The following PPP2R3C variants were observed in gnomAD, a reference collection of about 807,000 sequenced individuals.
The protein encoded by PPP2R3C is protein phosphatase 2 regulatory subunit B''gamma.
Under a neutral mutation model 63.7 loss-of-function variants are expected in PPP2R3C, and 47 were observed. That is an observed-to-expected ratio of 0.74 (90% CI 0.58 to 0.94). The LOEUF (loss-of-function observed/expected upper bound fraction) is 0.94, where lower values mean the gene tolerates loss of function less well. PPP2R3C is among the 40% of genes least tolerant of loss of function. PPP2R3C has a pLI of 0.00. For synonymous variants in PPP2R3C, 180 were observed against 177.4 expected, an observed-to-expected ratio of 1.01 and a Z score of -0.12; for missense variants, 421 against 518.4, an observed-to-expected ratio of 0.81 and a Z score of 1.82.
At chr14:35,107,960 A>C in intron 5 of PPP2R3C, 179 bp downstream of exon 5, 1 of 768,282 alleles carries the variant, frequency 1.3e-6, no homozygotes, top group Non-Finnish European at 1.9e-6. Context: ...TGAGGGTTTA[A>C]AAAATTTTTG....
At chr14:35,117,447 T>C (rs536821578) in intron 1 of PPP2R3C, among the ~76,000 whole-genome samples, 1 of 152,210 alleles carries the variant, frequency 6.6e-6, no homozygotes, top group Non-Finnish European at 1.5e-5. Flanking sequence ...TTTGGTTCTA[T>C]GACAAGATCA....
intron 6 of PPP2R3C, chr14:35,100,317 C>CT (rs2046145070): frequency 6.6e-6 from 1 of 152,044 alleles, no homozygotes; most frequent in Non-Finnish European, 1.5e-5. Flanking sequence ...ATATAGAATA[C>CT]AATTTCTATA....
upstream of PPP2R3C, chr14:35,122,176 G>T: frequency 1.8e-6 from 1 of 566,838 alleles, no homozygotes. Context: ...AAAAAACTAT[G>T]AAAGAGATGG....
chr14:35,107,902 T>C (rs1397778848), intron 5 of PPP2R3C: 2 of 449,322 alleles, frequency 4.5e-6, no homozygotes, highest in Non-Finnish European at 7.7e-6. Flanking sequence ...ATTAAAACTC[T>C]TGGTTCAGCT....
Position 35,111,331 on chromosome 14 carries a change from C to T in PPP2R3C, c.187-702G>A, listed in dbSNP as rs141869893. 4.2e-3 allele frequency among the ~76,000 whole-genome samples: 630 copies of T among 150,264 alleles called. 22 individuals are homozygous for T. The highest frequency in any genetic ancestry group is 0.036 in the Admixed American group (551 of 15,114). On this transcript the variant is annotated intron_variant, in intron 2 of 12. Transcript: ENST00000261475. ...CAAAACCACCTTTGCAAAATTATAA[C>T]AGTGACAAAATGATGACAGTGAAAG...
intron 2 of PPP2R3C, among the ~76,000 whole-genome samples, chr14:35,112,541 T>C (rs72664817): frequency 0.035 from 5,336 of 152,204 alleles, 109 homozygotes; most frequent in South Asian, 0.066. Context: ...ATCCCTCCCA[T>C]CAGAAGGAAC....
chr14:35,088,033 T>C (rs772698675), intron 11 of PPP2R3C, 23 bp from the exon 12 acceptor site: 1 of 1,532,498 alleles, frequency 6.5e-7, no homozygotes, highest in Admixed American at 1.7e-5. Flanking sequence ...GAAATAAATC[T>C]GTAAATAAAA....
intron 4 of PPP2R3C, among the ~76,000 whole-genome samples, chr14:35,108,530 C>T (rs190820967): frequency 2.6e-5 from 4 of 151,308 alleles, no homozygotes; most frequent in Admixed American, 6.6e-5. Flanking sequence ...GGTGAAACCC[C>T]GTCTCTAGTA....
At chr14:35,111,345 T>A (rs1471834595) in intron 2 of PPP2R3C, among the ~76,000 whole-genome samples, 1 of 152,066 alleles carries the variant, frequency 6.6e-6, no homozygotes, top group African/African-American at 2.4e-5. Flanking sequence ...GACAAAATGA[T>A]GACAGTGAAA....
At chr14:35,121,228 T>C (rs890348651) in intron 1 of PPP2R3C, among the ~76,000 whole-genome samples, 2 of 151,996 alleles carry the variant, frequency 1.3e-5, no homozygotes, top group Non-Finnish European at 1.5e-5. Context: ...AATACAAAAA[T>C]TAACCGGCCG....
chr14:35,116,874 C>A, intron 1 of PPP2R3C, 137 bp from the exon 2 acceptor site: 1 of 680,032 alleles, frequency 1.5e-6, no homozygotes, highest in Non-Finnish European at 2.2e-6. Context: ...TGCTTAGACA[C>A]TGAGCATATT....
intron 2 of PPP2R3C, among the ~76,000 whole-genome samples, chr14:35,115,148 CTTT>C (rs574544715): frequency 1.4e-5 from 2 of 141,376 alleles, no homozygotes; most frequent in African/African-American, 5.2e-5. Context: ...TTGTAAACGG[CTTT>C]TTTTTTTTTC....
In PPP2R3C at chr14:35,121,972, CG is replaced by C; in HGVS notation, c.-14del. On this transcript the variant is annotated 5_prime_UTR_variant, in exon 1 of 13. Transcript: ENST00000261475. ...CTTTCCAGTCCATGGCCGACTTCCG[CG>C]CAGCAGCTTCTGCATTTGCTGTTTC... 6.2e-7 allele frequency: 1 copy of C among 1,614,162 alleles called. No homozygotes were observed. Among genetic ancestry groups the C allele is most frequent in the South Asian group, 1.1e-5 (1 of 91,086 alleles).
intron 9 of PPP2R3C, among the ~76,000 whole-genome samples, chr14:35,095,667 T>G (rs1440350504): frequency 7.5e-5 from 11 of 146,540 alleles, no homozygotes; most frequent in African/African-American, 2.8e-4. Flanking sequence ...TGAAACACCG[T>G]CTCTACTAAA....
chr14:35,111,035 G>A (rs1377538104), intron 2 of PPP2R3C, among the ~76,000 whole-genome samples: 2 of 151,896 alleles, frequency 1.3e-5, no homozygotes, highest in African/African-American at 4.8e-5. Context: ...TCAAGAGATC[G>A]ACCATCCTGG....
chr14:35,094,920 C>A, intron 10 of PPP2R3C, 128 bp downstream of exon 10: 1 of 1,025,074 alleles, frequency 9.8e-7, no homozygotes, highest in Non-Finnish European at 1.4e-6. Flanking sequence ...CACCACTGCA[C>A]TCTAGCCTAG....
At chr14:35,106,287 T>C (rs8005196) in intron 6 of PPP2R3C, 11,301 of 152,152 alleles carry the variant, frequency 0.074, 521 homozygotes, top group Middle Eastern at 0.11. Context: ...GCATGTTTAA[T>C]TGTGATTTTT....
intron 11 of PPP2R3C, 199 bp from the exon 12 acceptor site, chr14:35,088,209 G>C (rs2045672645): frequency 3.5e-6 from 2 of 575,514 alleles, no homozygotes; most frequent in Non-Finnish European, 6.2e-6. Flanking sequence ...TTAGTGTATT[G>C]ACCTTTTTAG....
chr14:35,095,865 A>AG (rs1467665224), intron 9 of PPP2R3C, among the ~76,000 whole-genome samples: 1 of 150,888 alleles, frequency 6.6e-6, no homozygotes, highest in African/African-American at 2.4e-5. Flanking sequence ...AAAAAAAAAA[A>AG]AAAAAAAAGC....
Sources: gnomAD v4.1 joint callset for allele counts (sites outside exome capture counted in the v4.1 genomes callset) on GRCh38, gnomAD v4.1.1 for gene constraint, MANE v1.5 for transcripts, NCBI Gene and HGNC (gene_info 2026-07-23, HGNC 2026-07-21) for gene names.